Variants in KLHL29 observed in about 807,000 individuals in gnomAD.
KLHL29 encodes the protein kelch-like protein 29.
Under a neutral mutation model 80.4 loss-of-function variants are expected in KLHL29, and 21 were observed. The observed-to-expected ratio is 0.26, with a 90% CI of 0.19 to 0.38. The LOEUF (loss-of-function observed/expected upper bound fraction) is 0.38, where lower values mean the gene tolerates loss of function less well. Ranked by LOEUF, KLHL29 falls within the 10% of genes least tolerant of loss-of-function variation. KLHL29 has a pLI of 1.00. For missense variants in KLHL29, 867 were observed against 1,223.9 expected (o/e 0.71, Z 4.35); for synonymous variants, 511 against 526.8 (o/e 0.97, Z 0.41).
chr2:23,476,144 C>T (rs1664634871), intron 2 of KLHL29, among the ~76,000 whole-genome samples: 1 of 152,052 alleles, frequency 6.6e-6, no homozygotes, highest in Non-Finnish European at 1.5e-5. Flanking sequence ...CAAAGCGCTG[C>T]GATTGTAGGC....
At chr2:23,703,886 C>G (rs1370200355) in intron 13 of KLHL29, 23 bp downstream of exon 13, 3 of 1,531,238 alleles carry the variant, frequency 2.0e-6, no homozygotes, top group Admixed American at 2.0e-5. Flanking sequence ...GGCGCCTTGA[C>G]TAGGGCTGGG....
At chr2:23,550,329 C>T (rs531312391) in intron 2 of KLHL29, among the ~76,000 whole-genome samples, 28 of 152,220 alleles carry the variant, frequency 1.8e-4, no homozygotes, top group African/African-American at 5.3e-4. Context: ...AAGTGGGCTA[C>T]GTCATGGTTT....
chr2:23,522,195 C>A (rs1666126648), intron 2 of KLHL29, among the ~76,000 whole-genome samples: 1 of 151,932 alleles, frequency 6.6e-6, no homozygotes, highest in Admixed American at 6.6e-5. Flanking sequence ...GTTGCCCAGG[C>A]TGGAGTGCAG....
At chr2:23,398,796 G>C (rs1666516636) in intron 1 of KLHL29, among the ~76,000 whole-genome samples, 1 of 152,210 alleles carries the variant, frequency 6.6e-6, no homozygotes, top group Non-Finnish European at 1.5e-5. Context: ...ATATTCCAGG[G>C]TTTTATGTGT....
At chr2:23,479,443 A>G (rs1300628914) in intron 2 of KLHL29, among the ~76,000 whole-genome samples, 4 of 151,678 alleles carry the variant, frequency 2.6e-5, no homozygotes, top group African/African-American at 9.7e-5. Flanking sequence ...CTTCCTGTCC[A>G]TCTTGCTCGT....
chr2:23,546,099 T>C (rs1572392022), intron 2 of KLHL29, among the ~76,000 whole-genome samples: 2 of 152,274 alleles, frequency 1.3e-5, no homozygotes, highest in East Asian at 3.9e-4. Context: ...CAGACAGCTC[T>C]CCAGACCCTC....
At chr2:23,622,045 G>T (rs1669196173) in intron 3 of KLHL29, among the ~76,000 whole-genome samples, 1 of 152,206 alleles carries the variant, frequency 6.6e-6, no homozygotes, top group Admixed American at 6.5e-5. Context: ...CTGGAAGCCA[G>T]CTGGGCACCT....
chr2:23,496,446 G>A (rs1298894497), intron 2 of KLHL29, among the ~76,000 whole-genome samples: 1 of 152,162 alleles, frequency 6.6e-6, no homozygotes, highest in Non-Finnish European at 1.5e-5. Context: ...AATTTGGAAA[G>A]GGGTATGCAG....
At chr2:23,416,093 T>G (rs1666978868) in intron 1 of KLHL29, among the ~76,000 whole-genome samples, 1 of 152,144 alleles carries the variant, frequency 6.6e-6, no homozygotes, top group South Asian at 2.1e-4. Flanking sequence ...TACACCTTCA[T>G]GGCAACAAGC....
chr2:23,637,363 T>C lies in KLHL29; in HGVS notation c.286-1776T>C, dbSNP rs143241747. 6.8e-3 allele frequency among the ~76,000 whole-genome samples: 1,033 copies of C among 152,256 alleles called. 15 individuals are homozygous for C. The highest frequency in any genetic ancestry group is 0.024 in the African/African-American group (983 of 41,564). On this transcript the variant is annotated intron_variant, in intron 3 of 13. Transcript: ENST00000486442. ...AAACCATGCTATTGTTCCCTAAGAC[T>C]ATTAGTGAGTGCGGCTAAGTCCCCA...
chr2:23,507,413 C>A (rs866825478), intron 2 of KLHL29, among the ~76,000 whole-genome samples: 17 of 152,190 alleles, frequency 1.1e-4, no homozygotes, highest in African/African-American at 4.1e-4. Context: ...CAGCCCCGTC[C>A]CGGAGCAGCG....
chr2:23,612,728 C>T (rs561147182), intron 3 of KLHL29, among the ~76,000 whole-genome samples: 5 of 151,960 alleles, frequency 3.3e-5, no homozygotes, highest in Admixed American at 2.6e-4. Context: ...GGCAACAGAG[C>T]GAGTCTCAAT....
At chr2:23,541,257 GTGGATGCACGGGTAGATGGA>G in intron 2 of KLHL29, among the ~76,000 whole-genome samples, 1 of 152,352 alleles carries the variant, frequency 6.6e-6, no homozygotes, top group East Asian at 1.9e-4. Flanking sequence ...GGATGCATGG[GTGGATGCACGGGTAGATGGA>G]TGGATGGATG....
At chr2:23,556,521 G>T (rs530389369) in intron 2 of KLHL29, among the ~76,000 whole-genome samples, 1 of 151,908 alleles carries the variant, frequency 6.6e-6, no homozygotes, top group African/African-American at 2.4e-5. Context: ...GTGTGGTGAT[G>T]GGTGCCTGTA....
intron 1 of KLHL29, among the ~76,000 whole-genome samples, chr2:23,401,108 G>A (rs560302234): frequency 3.4e-4 from 52 of 152,290 alleles, no homozygotes; most frequent in African/African-American, 1.2e-3. Context: ...CTGCTGCCCC[G>A]TTTCTGGGCA....
intron 2 of KLHL29, among the ~76,000 whole-genome samples, chr2:23,521,323 A>C (rs958040852): frequency 6.6e-6 from 1 of 152,134 alleles, no homozygotes; most frequent in Non-Finnish European, 1.5e-5. Context: ...CCTACATGGC[A>C]CCCTTGGAGG....
intron 3 of KLHL29, among the ~76,000 whole-genome samples, chr2:23,603,931 G>C (rs183471386): frequency 6.6e-6 from 1 of 152,322 alleles, no homozygotes; most frequent in Admixed American, 6.5e-5. Context: ...CCCAGAGGAG[G>C]TGCCCAGATT....
chr2:23,439,169 T>A (rs541345210), intron 1 of KLHL29, among the ~76,000 whole-genome samples: 161 of 151,152 alleles, frequency 1.1e-3, no homozygotes, highest in African/African-American at 3.9e-3. Flanking sequence ...CCCTTTATCA[T>A]TTTTTATCGT....
At chr2:23,390,892 G>A (rs1474711319) in intron 1 of KLHL29, among the ~76,000 whole-genome samples, 1 of 152,096 alleles carries the variant, frequency 6.6e-6, no homozygotes, top group Non-Finnish European at 1.5e-5. Flanking sequence ...GACCTCAGGT[G>A]ATCCACCCGC....
Sources: allele counts gnomAD v4.1 joint callset (sites outside exome capture counted in the v4.1 genomes callset), GRCh38; gene constraint gnomAD v4.1.1; transcripts MANE v1.5; gene names NCBI Gene and HGNC (gene_info 2026-07-23, HGNC 2026-07-21).